The following CCDC192 variants were observed in gnomAD, a reference collection of about 807,000 sequenced individuals.
CCDC192 encodes coiled-coil domain-containing protein 192.
At chr5:127,891,845 CT>C (rs1233040034) in intron 6 of CCDC192, among the ~76,000 whole-genome samples, 1 of 152,206 alleles carries the variant, frequency 6.6e-6, no homozygotes, top group Admixed American at 6.5e-5. Flanking sequence ...TGGTATTCAA[CT>C]GATAGTGCTT....
At chr5:127,919,861 A>G (rs537662641) in intron 6 of CCDC192, among the ~76,000 whole-genome samples, 1 of 152,262 alleles carries the variant, frequency 6.6e-6, no homozygotes, top group South Asian at 2.1e-4. Flanking sequence ...TCTGTACTAC[A>G]GTGGATAGAT....
At chr5:127,882,627 T>G (rs79654234) in intron 6 of CCDC192, among the ~76,000 whole-genome samples, 131 of 152,292 alleles carry the variant, frequency 8.6e-4, no homozygotes, top group African/African-American at 2.9e-3. Flanking sequence ...TTTATCTCCA[T>G]TAGAAAATAA....
chr5:127,889,292 C>T (rs530693858), intron 6 of CCDC192, among the ~76,000 whole-genome samples: 2 of 152,100 alleles, frequency 1.3e-5, no homozygotes, highest in Non-Finnish European at 2.9e-5. Flanking sequence ...TATCAGCTTT[C>T]CTTTTGGTTA....
chr5:127,925,898 A>G (rs1753848907), intron 6 of CCDC192, among the ~76,000 whole-genome samples: 2 of 152,230 alleles, frequency 1.3e-5, no homozygotes. Flanking sequence ...ATCTTAATAC[A>G]AGAAAAGCTT....
At chr5:127,928,717 C>A (rs1753933125) in intron 6 of CCDC192, among the ~76,000 whole-genome samples, 1 of 152,130 alleles carries the variant, frequency 6.6e-6, no homozygotes, top group Non-Finnish European at 1.5e-5. Context: ...GCTTCCCATG[C>A]TCTACATTTT....
chr5:127,733,881 C>T (rs1752794906), intron 2 of CCDC192, among the ~76,000 whole-genome samples: 1 of 148,882 alleles, frequency 6.7e-6, no homozygotes. Context: ...TTTTTTATTT[C>T]CACCTGAGAA....
At chr5:127,817,888 G>C (rs1273212860) in intron 5 of CCDC192, among the ~76,000 whole-genome samples, 1 of 152,102 alleles carries the variant, frequency 6.6e-6, no homozygotes, top group African/African-American at 2.4e-5. Flanking sequence ...TCTGAACCAC[G>C]CTTTTAGAAA....
intron 5 of CCDC192, among the ~76,000 whole-genome samples, chr5:127,808,097 G>A (rs936597548): frequency 2.6e-5 from 4 of 152,252 alleles, no homozygotes; most frequent in East Asian, 1.9e-4. Context: ...TCCACTGAGC[G>A]CTGGGCTTGA....
chr5:127,923,409 A>AGAGT (rs1753779937), intron 6 of CCDC192, among the ~76,000 whole-genome samples: 3 of 145,204 alleles, frequency 2.1e-5, no homozygotes, highest in Non-Finnish European at 4.5e-5. Context: ...ACAGAGTCTC[A>AGAGT]CTCTGCCTCC....
intron 2 of CCDC192, among the ~76,000 whole-genome samples, chr5:127,753,101 C>T (rs954149997): frequency 6.6e-6 from 1 of 152,162 alleles, no homozygotes; most frequent in Non-Finnish European, 1.5e-5. Context: ...GAGCTGTGGA[C>T]CGGAGCTGTT....
chr5:127,856,308 T>C (rs1417479678), intron 5 of CCDC192, among the ~76,000 whole-genome samples: 1 of 152,238 alleles, frequency 6.6e-6, no homozygotes, highest in African/African-American at 2.4e-5. Context: ...ACTTTTCCTC[T>C]GCAGCTTTCT....
At chr5:127,744,175 A>G (rs1382686806) in intron 2 of CCDC192, among the ~76,000 whole-genome samples, 1 of 151,418 alleles carries the variant, frequency 6.6e-6, no homozygotes, top group Admixed American at 6.6e-5. Context: ...TGAAATTACC[A>G]CTGTGATGTG....
chr5:127,860,282 A>G (rs1160498222), intron 5 of CCDC192, among the ~76,000 whole-genome samples: 2 of 152,190 alleles, frequency 1.3e-5, no homozygotes, highest in Non-Finnish European at 2.9e-5. Context: ...TACTCCATAA[A>G]TGTTTGTTGA....
intron 6 of CCDC192, among the ~76,000 whole-genome samples, chr5:127,927,701 G>A (rs913228502): frequency 6.6e-6 from 1 of 152,212 alleles, no homozygotes; most frequent in African/African-American, 2.4e-5. Context: ...AGGAGGGTCT[G>A]TAATCCAGAT....
At chr5:127,826,143 G>A (rs1197600338) in intron 5 of CCDC192, among the ~76,000 whole-genome samples, 3 of 151,988 alleles carry the variant, frequency 2.0e-5, no homozygotes, top group Admixed American at 2.0e-4. Flanking sequence ...CAATTGGAAA[G>A]GTGGAATGAA....
chr5:127,921,721 C>T (rs187816409), intron 6 of CCDC192, among the ~76,000 whole-genome samples: 14 of 152,192 alleles, frequency 9.2e-5, no homozygotes, highest in Non-Finnish European at 1.8e-4. Flanking sequence ...ACTGTAGTGG[C>T]CATCCATGTG....
At chr5:127,875,723 A>T (rs1426861524) in intron 6 of CCDC192, 62 bp downstream of exon 6, 1 of 396,270 alleles carries the variant, frequency 2.5e-6, no homozygotes, top group Non-Finnish European at 4.5e-6. Context: ...ATGTAGTTGT[A>T]TTGGCAACGA....
chr5:127,851,703 G>A (rs1160984940), intron 5 of CCDC192, among the ~76,000 whole-genome samples: 11 of 152,150 alleles, frequency 7.2e-5, no homozygotes, highest in Admixed American at 4.6e-4. Context: ...TGATCTGCCC[G>A]CCTCGGCCTC....
chr5:127,933,944 T>C (rs760060520), intron 6 of CCDC192, among the ~76,000 whole-genome samples: 24 of 152,216 alleles, frequency 1.6e-4, no homozygotes, highest in Non-Finnish European at 2.8e-4. Flanking sequence ...TCCAGAACTA[T>C]GAGAAATAAA....
Sources: gnomAD v4.1 joint callset for allele counts (sites outside exome capture counted in the v4.1 genomes callset) on GRCh38, gnomAD v4.1.1 for gene constraint, MANE v1.5 for transcripts, NCBI Gene and HGNC (gene_info 2026-07-23, HGNC 2026-07-21) for gene names.